AUTS2: variants seen among roughly 807,000 people sequenced by gnomAD.
AUTS2 encodes autism susceptibility gene 2 protein.
A neutral mutation model predicts 112.4 loss-of-function variants in AUTS2; 17 were observed. The ratio of observed to expected loss-of-function variants is 0.15; its 90% CI spans 0.10 to 0.23. AUTS2 has a LOEUF of 0.23. Among genes scored for constraint, AUTS2 ranks in the 10% least tolerant of loss-of-function variants. The probability of loss-of-function intolerance (pLI) is 1.00; values close to 1 mark genes in which losing one functional copy is unlikely to be tolerated. For missense variants in AUTS2, 1,510 were observed against 1,701.6 expected, an observed-to-expected ratio of 0.89 and a Z score of 1.98; for synonymous variants, 751 against 702.7, an observed-to-expected ratio of 1.07 and a Z score of -1.09.
intron 4 of AUTS2, chr7:70,291,564 A>G (rs1356174898): frequency 6.6e-6 from 1 of 152,204 alleles, no homozygotes; most frequent in Non-Finnish European, 1.5e-5. Context: ...AAATGTTCAC[A>G]TGGGTTTTGA....
intron 5 of AUTS2, among the ~76,000 whole-genome samples, chr7:70,518,658 G>T (rs1799518626): frequency 1.3e-5 from 2 of 151,588 alleles, no homozygotes; most frequent in South Asian, 4.2e-4. Flanking sequence ...ACTCCAGCCT[G>T]GGCGACAGAG....
At chr7:69,955,475 A>G (rs1726482264) in intron 2 of AUTS2, among the ~76,000 whole-genome samples, 1 of 152,112 alleles carries the variant, frequency 6.6e-6, no homozygotes, top group African/African-American at 2.4e-5. Context: ...CTGAGAAGAG[A>G]CCCAGAGCCA....
intron 5 of AUTS2, among the ~76,000 whole-genome samples, chr7:70,505,864 C>A (rs991910896): frequency 6.6e-6 from 1 of 152,174 alleles, no homozygotes; most frequent in African/African-American, 2.4e-5. Context: ...GGATGGGGAC[C>A]AAAGTGGCAC....
chr7:70,007,523 CATAACCT>C (rs1030888253), intron 2 of AUTS2, among the ~76,000 whole-genome samples: 2 of 152,110 alleles, frequency 1.3e-5, no homozygotes, highest in African/African-American at 2.4e-5. Context: ...ATGATAATGG[CATAACCT>C]AAAATTTATT....
intron 2 of AUTS2, among the ~76,000 whole-genome samples, chr7:70,004,335 G>GT (rs1563031665): frequency 1.7e-3 from 207 of 119,956 alleles, no homozygotes; most frequent in Middle Eastern, 0.011. Context: ...ATATATATAT[G>GT]AATATATATT....
At chr7:70,337,636 T>C (rs987459945) in intron 4 of AUTS2, among the ~76,000 whole-genome samples, 1 of 152,250 alleles carries the variant, frequency 6.6e-6, no homozygotes, top group Non-Finnish European at 1.5e-5. Context: ...ATGTGTTTGC[T>C]GAACACAGGT....
At chr7:69,908,363 T>C (rs1218698534) in intron 2 of AUTS2, among the ~76,000 whole-genome samples, 1 of 152,238 alleles carries the variant, frequency 6.6e-6, no homozygotes, top group Non-Finnish European at 1.5e-5. Context: ...CTCTGGAGCA[T>C]TGCCTATTGA....
intron 1 of AUTS2, chr7:69,663,205 A>G (rs1252816474): frequency 1.3e-5 from 2 of 152,192 alleles, no homozygotes; most frequent in African/African-American, 2.4e-5. Flanking sequence ...GCTCTGTTAC[A>G]TTAATGAGGG....
intron 4 of AUTS2, among the ~76,000 whole-genome samples, chr7:70,152,426 C>G (rs1055465366): frequency 1.3e-5 from 2 of 149,606 alleles, no homozygotes; most frequent in African/African-American, 4.9e-5. Flanking sequence ...AGACTGACAG[C>G]AGATTTTTTT....
At chr7:70,370,489 C>T (rs745853688) in intron 4 of AUTS2, among the ~76,000 whole-genome samples, 7 of 152,156 alleles carry the variant, frequency 4.6e-5, no homozygotes, top group Non-Finnish European at 1.0e-4. Flanking sequence ...AAAGGTTTAT[C>T]CATGTTGTAG....
chr7:70,025,122 T>C (rs1462648615), intron 2 of AUTS2, among the ~76,000 whole-genome samples: 2 of 152,226 alleles, frequency 1.3e-5, no homozygotes, highest in African/African-American at 4.8e-5. Context: ...ATGATCATTA[T>C]AGCATCTACC....
chr7:70,709,843 G>A (rs961408925), intron 6 of AUTS2, among the ~76,000 whole-genome samples: 9 of 152,182 alleles, frequency 5.9e-5, no homozygotes, highest in African/African-American at 4.8e-5. Context: ...CCTCGTAGCC[G>A]ATACCAGGAC....
intron 4 of AUTS2, among the ~76,000 whole-genome samples, chr7:70,183,654 C>A (rs918997269): frequency 6.6e-6 from 1 of 152,192 alleles, no homozygotes; most frequent in African/African-American, 2.4e-5. Context: ...TTCTGCCCAT[C>A]ACCCTTTGGG....
intron 4 of AUTS2, among the ~76,000 whole-genome samples, chr7:70,245,494 C>A (rs1243545115): frequency 1.3e-5 from 2 of 152,032 alleles, no homozygotes; most frequent in African/African-American, 4.8e-5. Flanking sequence ...TTTGTACATT[C>A]TGTAGATGGA....
chr7:70,120,610 T>G (rs1230416591), intron 3 of AUTS2, among the ~76,000 whole-genome samples: 1 of 152,172 alleles, frequency 6.6e-6, no homozygotes. Flanking sequence ...ATTTTTTTCA[T>G]AGTGTAGAGA....
intron 4 of AUTS2, among the ~76,000 whole-genome samples, chr7:70,141,906 A>G (rs1439104252): frequency 2.0e-5 from 3 of 152,120 alleles, no homozygotes; most frequent in Admixed American, 6.5e-5. Flanking sequence ...TTTCCAGCAC[A>G]CTCTGTAGAA....
At chr7:70,379,062 T>C (rs1474101556) in intron 4 of AUTS2, among the ~76,000 whole-genome samples, 1 of 152,192 alleles carries the variant, frequency 6.6e-6, no homozygotes, top group Non-Finnish European at 1.5e-5. Flanking sequence ...TTTAAGTTGC[T>C]GGATATAAGC....
Position 69,973,093 on chromosome 7 carries a change from C to T in AUTS2, c.522+73595C>T, listed in dbSNP as rs112827699. Among the ~76,000 whole-genome samples, 914 of 151,676 alleles carry T rather than the reference C, an allele frequency of 6.0e-3. 14 individuals are homozygous for T. The highest frequency in any genetic ancestry group is 0.021 in the African/African-American group (869 of 41,372). ...CTCTTCATGAAGAGGTTTGTCTCTC[C>T]GTTTATTTAGATCTTGTTTGATCTC... On this transcript the variant is annotated intron_variant, in intron 2 of 18. Transcript: ENST00000342771.
At chr7:70,193,964 A>G (rs1387405765) in intron 4 of AUTS2, among the ~76,000 whole-genome samples, 1 of 152,318 alleles carries the variant, frequency 6.6e-6, no homozygotes, top group East Asian at 1.9e-4. Flanking sequence ...AGGCTTCTTC[A>G]TATCTATATT....
Sources: gnomAD v4.1 joint callset for allele counts (sites outside exome capture counted in the v4.1 genomes callset) on GRCh38, gnomAD v4.1.1 for gene constraint, MANE v1.5 for transcripts, NCBI Gene and HGNC (gene_info 2026-07-23, HGNC 2026-07-21) for gene names.